Variants in CADM2 observed in about 807,000 individuals in gnomAD.
CADM2 encodes cell adhesion molecule 2.
In CADM2, 12 loss-of-function variants were observed where a neutral mutation model predicts 49.8. The observed-to-expected ratio is 0.24, with a 90% CI of 0.15 to 0.39. CADM2 has a LOEUF of 0.39. CADM2 is among the 10% of genes least tolerant of loss of function. CADM2 has a pLI of 1.00. For synonymous variants in CADM2, 214 were observed against 175.4 expected, an observed-to-expected ratio of 1.22 and a Z score of -1.74; for missense variants, 378 against 492.3, an observed-to-expected ratio of 0.77 and a Z score of 2.20.
At chr3:86,015,961 G>T (rs1396865034) in intron 8 of CADM2, among the ~76,000 whole-genome samples, 1 of 151,990 alleles carries the variant, frequency 6.6e-6, no homozygotes, top group South Asian at 2.1e-4. Context: ...GGAAAACATT[G>T]CTGTTATTTT....
At chr3:85,199,275 A>G (rs2041422952) in intron 1 of CADM2, among the ~76,000 whole-genome samples, 1 of 151,604 alleles carries the variant, frequency 6.6e-6, no homozygotes, top group Admixed American at 6.6e-5. Context: ...ATTTCTCACA[A>G]TGGATTATCA....
rs145814007 is a variant in CADM2 at position 85,737,566 on chromosome 3, T to C, written c.88+11018T>C. Among the ~76,000 whole-genome samples the C allele has an allele frequency of 5.4e-3, 817 of 151,128 alleles. 13 individuals are homozygous for C. The highest frequency in any genetic ancestry group is 0.018 in the African/African-American group (730 of 41,198). ...ATTTAATTCATTCTTTTCTTTCTTT[T>C]TTTTTTTTTGAGACGGAGTTTCTCT... On this transcript the variant is annotated intron_variant, in intron 2 of 9. Coordinates refer to ENST00000383699, the MANE Select transcript of CADM2 (RefSeq NM_001167675.2).
chr3:85,745,211 G>A (rs1344829047), intron 2 of CADM2, among the ~76,000 whole-genome samples: 1 of 152,100 alleles, frequency 6.6e-6, no homozygotes, highest in Non-Finnish European at 1.5e-5. Context: ...TAAAATAATT[G>A]TTCATAATGA....
chr3:85,466,746 A>G (rs926588687), intron 1 of CADM2, among the ~76,000 whole-genome samples: 2 of 151,864 alleles, frequency 1.3e-5, no homozygotes, highest in East Asian at 1.9e-4. Context: ...ATTTTTAACA[A>G]AAAAAAATTA....
intron 1 of CADM2, among the ~76,000 whole-genome samples, chr3:84,998,903 A>G (rs957976765): frequency 1.9e-4 from 29 of 152,160 alleles, no homozygotes; most frequent in Admixed American, 1.8e-3. Flanking sequence ...TTTTCTTCAG[A>G]TACTCCCATA....
At position 85,497,568 on chromosome 3, in the gene CADM2, T is replaced by G. The variant is rs189913069; in HGVS notation, c.62-228954T>G. Among the ~76,000 whole-genome samples the G allele has an allele frequency of 3.4e-3, 511 of 152,286 alleles. 3 individuals carry two copies. Among genetic ancestry groups the G allele is most frequent in the Non-Finnish European group, 4.6e-3 (315 of 68,010 alleles). ...AAACAAAACAGATTGTTTAAAAAAC[T>G]TGTGAAATTTTAAATGTTTTGTAAT... On this transcript the variant is annotated intron_variant, in intron 1 of 9. Coordinates refer to ENST00000383699, the MANE Select transcript of CADM2 (RefSeq NM_001167675.2).
chr3:85,131,454 A>G (rs1159438772), intron 1 of CADM2, among the ~76,000 whole-genome samples: 1 of 152,214 alleles, frequency 6.6e-6, no homozygotes, highest in Non-Finnish European at 1.5e-5. Flanking sequence ...TAAAAACATA[A>G]TAAACCTCAT....
At chr3:85,014,460 C>T (rs2034155547) in intron 1 of CADM2, among the ~76,000 whole-genome samples, 1 of 149,780 alleles carries the variant, frequency 6.7e-6, no homozygotes, top group Admixed American at 6.7e-5. Flanking sequence ...AGGAAAAAAA[C>T]ATAGTGTGCA....
intron 1 of CADM2, among the ~76,000 whole-genome samples, chr3:85,663,644 G>A (rs929133314): frequency 2.0e-5 from 3 of 152,014 alleles, no homozygotes; most frequent in African/African-American, 7.2e-5. Context: ...TGGGACTGCT[G>A]CAGAGCTCTA....
Position 85,602,116 on chromosome 3 carries a change from G to A in CADM2, c.62-124406G>A, listed in dbSNP as rs532387099. 1.1e-4 allele frequency among the ~76,000 whole-genome samples: 16 copies of A among 151,752 alleles called. No individual in the cohort carries two copies. The South Asian group carries it at 3.1e-3, about 30-fold the overall frequency. On this transcript the variant is annotated intron_variant, in intron 1 of 9. Transcript: ENST00000383699. Reference sequence around the variant, plus strand: ...ATTTTTTACTTTTTCTTCAAATATAGCAATGTAGGTCTGTTGATGCTACAA... The same window carrying A: ...ATTTTTTACTTTTTCTTCAAATATAACAATGTAGGTCTGTTGATGCTACAA...
chr3:85,470,248 G>A (rs540669942), intron 1 of CADM2, among the ~76,000 whole-genome samples: 3 of 152,234 alleles, frequency 2.0e-5, no homozygotes, highest in South Asian at 2.1e-4. Flanking sequence ...ACAATGCGAA[G>A]AATATATGCA....
intron 1 of CADM2, among the ~76,000 whole-genome samples, chr3:85,137,043 T>C (rs2039434166): frequency 6.6e-6 from 1 of 151,918 alleles, no homozygotes. Flanking sequence ...CTGTGGATTA[T>C]ATTGGGGTAT....
chr3:85,185,700 T>C (rs2041044769), intron 1 of CADM2, among the ~76,000 whole-genome samples: 2 of 152,144 alleles, frequency 1.3e-5, no homozygotes, highest in Admixed American at 6.5e-5. Context: ...ATGAATTTCC[T>C]CTACAATGGA....
chr3:85,524,007 A>T (rs2106913364), intron 1 of CADM2, among the ~76,000 whole-genome samples: 1 of 152,284 alleles, frequency 6.6e-6, no homozygotes, highest in African/African-American at 2.4e-5. Context: ...TGTGAATGTC[A>T]AGATGTACAT....
rs142802613 is a variant in CADM2 at position 85,515,016 on chromosome 3, G to A, written c.62-211506G>A. The stretch of plus-strand genomic sequence containing the variant: ...ATATACTGTCCTTTTGCATATAGAA[G>A]TAAAACTAATGGTGTTATAAAAATA... On this transcript the variant is annotated intron_variant, in intron 1 of 9. Transcript: ENST00000383699. 4.1e-3 allele frequency among the ~76,000 whole-genome samples: 623 copies of A among 152,206 alleles called. 4 individuals carry two copies. Among genetic ancestry groups the A allele is most frequent in the African/African-American group, 0.014 (597 of 41,544 alleles).
intron 1 of CADM2, among the ~76,000 whole-genome samples, chr3:84,983,055 A>T (rs2107143979): frequency 6.6e-6 from 1 of 152,032 alleles, no homozygotes; most frequent in East Asian, 1.9e-4. Flanking sequence ...CCAAGAATAT[A>T]TATTTTTAAA....
At chr3:85,920,985 C>A (rs1232591949) in intron 6 of CADM2, among the ~76,000 whole-genome samples, 1 of 151,632 alleles carries the variant, frequency 6.6e-6, no homozygotes, top group Non-Finnish European at 1.5e-5. Flanking sequence ...ACCTTAATTT[C>A]ATAAAGAGGC....
At chr3:85,063,204 G>A (rs573911864) in intron 1 of CADM2, among the ~76,000 whole-genome samples, 1 of 151,778 alleles carries the variant, frequency 6.6e-6, no homozygotes, top group Non-Finnish European at 1.5e-5. Context: ...TCTGTGTCAT[G>A]GAGAATACAT....
chr3:85,747,780 T>C (rs1377034222), intron 2 of CADM2, among the ~76,000 whole-genome samples: 1 of 152,084 alleles, frequency 6.6e-6, no homozygotes, highest in African/African-American at 2.4e-5. Flanking sequence ...ACAGTCTCAA[T>C]GAGATCATCA....
Sources: gnomAD v4.1 joint callset for allele counts (sites outside exome capture counted in the v4.1 genomes callset) on GRCh38, gnomAD v4.1.1 for gene constraint, MANE v1.5 for transcripts, NCBI Gene and HGNC (gene_info 2026-07-23, HGNC 2026-07-21) for gene names.